The following HS6ST3 variants were observed in gnomAD, a reference collection of about 807,000 sequenced individuals.
HS6ST3 encodes heparan-sulfate 6-O-sulfotransferase 3.
In HS6ST3, 12 loss-of-function variants were observed where a neutral mutation model predicts 36.7. That is an observed-to-expected ratio of 0.33 (90% confidence interval 0.21 to 0.53). HS6ST3 has a LOEUF of 0.53. Ranked by LOEUF, HS6ST3 falls within the 20% of genes least tolerant of loss-of-function variation. HS6ST3 has a pLI of 0.95. For synonymous variants in HS6ST3, 240 were observed against 257.5 expected (o/e 0.93, Z 0.65); for missense variants, 584 against 640.9 (o/e 0.91, Z 0.96).
At position 96,090,897 on chromosome 13, in the gene HS6ST3, C is replaced by T. The variant is rs2053758227; in HGVS notation, c.35C>T (p.Pro12Leu). 2.0e-6 allele frequency: 3 copies of T among 1,513,624 alleles called. No homozygotes were observed. Among genetic ancestry groups the T allele is most frequent in the South Asian group, 1.2e-5 (1 of 83,782 alleles). The allele number at this position is 1,513,624 out of a possible 1,614,324, so 93.8% of individuals were successfully genotyped here. A position where few individuals can be genotyped will look rare whatever the true frequency, so the allele number is the denominator to read the frequency against. Residue 12 changes from proline to leucine, a missense_variant, in exon 1 of 2, where the codon CCG (proline) becomes CTG (leucine). By Grantham distance (98) the Pro-to-Leu change is moderately conservative. Coordinates refer to ENST00000376705, the MANE Select transcript of HS6ST3 (RefSeq NM_153456.4). ...AGGTTCAACAAGTGGCTGCTGACGC[C>T]GGTGCTCACTCTCCTCTTCGTGGTC... ...DERFNKWLLT[P>L]VLTLLFVVIM... is the part of the protein sequence containing the mutation.
chr13:96,538,695 C>T lies in HS6ST3; in HGVS notation c.708-293795C>T, dbSNP rs1255030544. ...CTGGCCTCAAGTGATCCGCCTGCCT[C>T]GGCCTCCCATAGTGCTGGGATTACA... On this transcript the variant is annotated intron_variant, in intron 1 of 1. Coordinates refer to ENST00000376705, the MANE Select transcript of HS6ST3 (RefSeq NM_153456.4). Among the ~76,000 whole-genome samples, 9 of 152,132 alleles carry T rather than the reference C, an allele frequency of 5.9e-5. No individual in the cohort carries two copies. The South Asian group carries it at 6.2e-4, about 11-fold the overall frequency.
At chr13:96,438,180 T>C (rs1339309401) in intron 1 of HS6ST3, among the ~76,000 whole-genome samples, 6 of 152,234 alleles carry the variant, frequency 3.9e-5, no homozygotes. Context: ...CTGATGTCTA[T>C]TTTCAGTTCA....
At position 96,154,240 on chromosome 13, in the gene HS6ST3, G is replaced by C. The variant is rs552830479; in HGVS notation, c.707+62671G>C. Among the ~76,000 whole-genome samples the C allele has an allele frequency of 8.5e-5, 13 of 152,142 alleles. No individual in the cohort carries two copies. In the South Asian group the frequency reaches 2.5e-3, roughly 29 times the overall value. On this transcript the variant is annotated intron_variant, in intron 1 of 1. Transcript: ENST00000376705. ...CAGTTTTATTTGTATTCATTGAACT[G>C]TTTCAACAGTGCTTTTAAAGGTCAA...
chr13:96,356,693 T>A (rs1403888327), intron 1 of HS6ST3, among the ~76,000 whole-genome samples: 4 of 152,184 alleles, frequency 2.6e-5, no homozygotes. Flanking sequence ...GTAGAGTAGA[T>A]TTAGCATAAT....
At chr13:96,293,577 C>T (rs1445959394) in intron 1 of HS6ST3, among the ~76,000 whole-genome samples, 1 of 151,978 alleles carries the variant, frequency 6.6e-6, no homozygotes, top group African/African-American at 2.4e-5. Context: ...TCATGTTTGC[C>T]AAGATGGAAG....
chr13:96,753,851 G>A (rs1022149760), intron 1 of HS6ST3, among the ~76,000 whole-genome samples: 10 of 151,836 alleles, frequency 6.6e-5, no homozygotes, highest in African/African-American at 1.4e-4. Context: ...ACTGAGTCTC[G>A]CTCTGTTGCC....
chr13:96,486,325 C>G (rs1300502740), intron 1 of HS6ST3, among the ~76,000 whole-genome samples: 1 of 152,030 alleles, frequency 6.6e-6, no homozygotes, highest in Non-Finnish European at 1.5e-5. Context: ...CAATAAACAT[C>G]CGTGTGCATG....
chr13:96,479,785 G>A lies in HS6ST3; in HGVS notation c.708-352705G>A, dbSNP rs1006560241. ...TTACGCAGAGTCTATTGTAGGTCTA[G>A]GTAACTCTTTTGGGCACTCGTCCTA... On this transcript the variant is annotated intron_variant, in intron 1 of 1. Coordinates refer to ENST00000376705, the MANE Select transcript of HS6ST3 (RefSeq NM_153456.4). 4.6e-5 allele frequency among the ~76,000 whole-genome samples: 7 copies of A among 152,146 alleles called. No individual in the cohort carries two copies. The East Asian group carries it at 1.3e-3, about 29-fold the overall frequency.
At chr13:96,249,148 C>T (rs867151787) in intron 1 of HS6ST3, among the ~76,000 whole-genome samples, 1 of 152,090 alleles carries the variant, frequency 6.6e-6, no homozygotes, top group Non-Finnish European at 1.5e-5. Flanking sequence ...TATCTCAAAC[C>T]CTGTTCTCTT....
chr13:96,524,421 G>T (rs748037319), intron 1 of HS6ST3, among the ~76,000 whole-genome samples: 32 of 152,206 alleles, frequency 2.1e-4, no homozygotes, highest in Admixed American at 1.3e-3. Context: ...TTTAAGTCTG[G>T]AGAAGCTGTC....
At chr13:96,448,827 G>A (rs2055712358) in intron 1 of HS6ST3, among the ~76,000 whole-genome samples, 1 of 152,154 alleles carries the variant, frequency 6.6e-6, no homozygotes, top group Admixed American at 6.5e-5. Flanking sequence ...GACCACGACA[G>A]TATTTGTTTA....
chr13:96,453,191 A>G lies in HS6ST3; in HGVS notation c.707+361622A>G, dbSNP rs562555302. Among the ~76,000 whole-genome samples the G allele has an allele frequency of 5.3e-5, 8 of 152,100 alleles. No homozygotes were observed. The East Asian group carries it at 9.7e-4, about 18-fold the overall frequency. ...GAAAATGCTCTTTTTAAAAAAAAAA[A>G]AAAAAGAAAAAAAGATTTAGAGAGT... On this transcript the variant is annotated intron_variant, in intron 1 of 1. Coordinates refer to ENST00000376705, the MANE Select transcript of HS6ST3 (RefSeq NM_153456.4).
At chr13:96,292,688 A>T (rs916700919) in intron 1 of HS6ST3, among the ~76,000 whole-genome samples, 6 of 152,062 alleles carry the variant, frequency 3.9e-5, no homozygotes, top group African/African-American at 1.4e-4. Flanking sequence ...ACAGATAAGA[A>T]CTCTGTTCCT....
At position 96,788,307 on chromosome 13, in the gene HS6ST3, T is replaced by C. The variant is rs547990131; in HGVS notation, c.708-44183T>C. Among the ~76,000 whole-genome samples the C allele has an allele frequency of 3.3e-5, 5 of 152,072 alleles. No homozygotes were observed. The South Asian group carries it at 6.2e-4, about 19-fold the overall frequency. ...AGATTTTGATTGGTATTTCACTAAA[T>C]TCATAGATCAACTTGGGGAGAATTG... On this transcript the variant is annotated intron_variant, in intron 1 of 1. Coordinates refer to ENST00000376705, the MANE Select transcript of HS6ST3 (RefSeq NM_153456.4).
intron 1 of HS6ST3, among the ~76,000 whole-genome samples, chr13:96,162,772 TAGG>T (rs1228285272): frequency 6.6e-6 from 1 of 152,260 alleles, no homozygotes; most frequent in Non-Finnish European, 1.5e-5. Flanking sequence ...TTATGTTATC[TAGG>T]AGTTCTTTTT....
At chr13:96,659,156 G>T (rs1279670118) in intron 1 of HS6ST3, among the ~76,000 whole-genome samples, 1 of 152,190 alleles carries the variant, frequency 6.6e-6, no homozygotes, top group Non-Finnish European at 1.5e-5. Context: ...GAATGGTCCA[G>T]TTACTCTGCA....
At chr13:96,575,748 T>C (rs1284009929) in intron 1 of HS6ST3, among the ~76,000 whole-genome samples, 1 of 152,262 alleles carries the variant, frequency 6.6e-6, no homozygotes, top group Admixed American at 6.5e-5. Context: ...TCCATGTTTC[T>C]GTCAGCAAGT....
At chr13:96,161,733 T>C (rs2054136709) in intron 1 of HS6ST3, among the ~76,000 whole-genome samples, 1 of 152,140 alleles carries the variant, frequency 6.6e-6, no homozygotes, top group Admixed American at 6.5e-5. Context: ...CAAATTCATA[T>C]CTGTGCTAAC....
intron 1 of HS6ST3, among the ~76,000 whole-genome samples, chr13:96,152,663 CTTTT>C (rs1257270496): frequency 6.6e-6 from 1 of 152,008 alleles, no homozygotes; most frequent in Non-Finnish European, 1.5e-5. Flanking sequence ...TATCAGCAGT[CTTTT>C]TTATATGCTT....
Sources: allele counts gnomAD v4.1 joint callset (sites outside exome capture counted in the v4.1 genomes callset), GRCh38; gene constraint gnomAD v4.1.1; transcripts MANE v1.5; gene names NCBI Gene and HGNC (gene_info 2026-07-23, HGNC 2026-07-21).